The following MAPK10 variants were observed in gnomAD, a reference collection of about 807,000 sequenced individuals.
MAPK10 encodes the protein JNK3 alpha protein kinase.
MAPK10 carries 25 observed loss-of-function variants against 59.3 expected under a neutral mutation model. That is an observed-to-expected ratio of 0.42 (90% CI 0.31 to 0.59). The LOEUF is 0.59. MAPK10 is among the 20% of genes least tolerant of loss of function. MAPK10 has a pLI of 0.15. For missense variants in MAPK10, 351 were observed against 568.9 expected, an observed-to-expected ratio of 0.62 and a Z score of 3.90; for synonymous variants, 190 against 200.5, an observed-to-expected ratio of 0.95 and a Z score of 0.44.
At chr4:86,372,564 G>GAAAGAAAGGAAAAGAAAAGA in intron 1 of MAPK10, among the ~76,000 whole-genome samples, 790 of 78,666 alleles carry the variant, frequency 0.01, 19 homozygotes, top group Middle Eastern at 0.024. Context: ...AAGAAAGAAA[G>GAAAGAAAGGAAAAGAAAAGA]AAAGAAAAGA....
intron 9 of MAPK10, among the ~76,000 whole-genome samples, chr4:86,075,958 C>G (rs1351563097): frequency 6.6e-6 from 1 of 151,986 alleles, no homozygotes; most frequent in Admixed American, 6.5e-5. Flanking sequence ...TTTACCTAAG[C>G]AAGCCTGGGC....
In MAPK10 at chr4:86,116,152, G is replaced by A. The variant is rs1407510621; in HGVS notation, c.237-8800C>T. On this transcript the variant is annotated intron_variant, in intron 4 of 13. Transcript: ENST00000641462. ...ATATCAAAAGAAAGAATGGCAATCAGTCATGAAGGCATATAAGGGAGTTGG... is the reference window on the plus strand; with the variant it reads ...ATATCAAAAGAAAGAATGGCAATCAATCATGAAGGCATATAAGGGAGTTGG... 2.0e-5 allele frequency among the ~76,000 whole-genome samples: 3 copies of A among 152,302 alleles called. 1 individual carries two copies. Among genetic ancestry groups the A allele is most frequent in the South Asian group, 4.1e-4 (2 of 4,822 alleles).
chr4:86,379,038 T>C (rs1295458190), intron 1 of MAPK10, among the ~76,000 whole-genome samples: 2 of 152,030 alleles, frequency 1.3e-5, no homozygotes, highest in Non-Finnish European at 2.9e-5. Context: ...TGTAGGTAAG[T>C]ATGGTCACAG....
intron 1 of MAPK10, among the ~76,000 whole-genome samples, chr4:86,443,328 G>A (rs1749636318): frequency 1.3e-5 from 2 of 152,042 alleles, no homozygotes; most frequent in South Asian, 4.1e-4. Context: ...ACTTAACAAG[G>A]CCTGCCCTCA....
intron 2 of MAPK10, among the ~76,000 whole-genome samples, chr4:86,298,703 C>T (rs1167445663): frequency 2.0e-5 from 3 of 152,188 alleles, no homozygotes; most frequent in Admixed American, 6.5e-5. Context: ...TTCAGACAGT[C>T]AGTGGATATT....
chr4:86,327,366 T>C (rs2096050789), intron 2 of MAPK10: 2 of 152,116 alleles, frequency 1.3e-5, no homozygotes, highest in African/African-American at 4.8e-5. Context: ...TTAATTTTTT[T>C]TTAGCACAGA....
intron 1 of MAPK10, among the ~76,000 whole-genome samples, chr4:86,586,535 C>A (rs1414683214): frequency 6.6e-6 from 1 of 152,180 alleles, no homozygotes; most frequent in Non-Finnish European, 1.5e-5. Context: ...ATAAACCAAT[C>A]CACATTAACG....
chr4:86,074,449 G>C (rs1284462166), intron 9 of MAPK10, among the ~76,000 whole-genome samples: 1 of 150,438 alleles, frequency 6.6e-6, no homozygotes, highest in Non-Finnish European at 1.5e-5. Context: ...ATGTTAGCTG[G>C]TGATTTTGCT....
intron 4 of MAPK10, among the ~76,000 whole-genome samples, chr4:86,141,217 G>A (rs1296980580): frequency 6.6e-6 from 1 of 152,136 alleles, no homozygotes; most frequent in Non-Finnish European, 1.5e-5. Flanking sequence ...TTACAGAAAG[G>A]ATATAGTTTA....
At chr4:86,047,959 G>T (rs1450414253) in intron 11 of MAPK10, among the ~76,000 whole-genome samples, 1 of 152,104 alleles carries the variant, frequency 6.6e-6, no homozygotes, top group Non-Finnish European at 1.5e-5. Context: ...GGGTAGAAAT[G>T]ATGTTTGCAT....
At chr4:86,458,512 A>T (rs979393006) in intron 1 of MAPK10, among the ~76,000 whole-genome samples, 1 of 152,208 alleles carries the variant, frequency 6.6e-6, no homozygotes, top group African/African-American at 2.4e-5. Context: ...ACCTGATTTC[A>T]AACTGTGCTA....
intron 2 of MAPK10, among the ~76,000 whole-genome samples, chr4:86,262,250 C>G (rs918360036): frequency 2.0e-5 from 3 of 152,154 alleles, no homozygotes; most frequent in Admixed American, 6.5e-5. Flanking sequence ...CATGCACATA[C>G]AATCTTTTGC....
chr4:86,251,316 C>T (rs943824831), intron 2 of MAPK10, among the ~76,000 whole-genome samples: 4 of 151,862 alleles, frequency 2.6e-5, no homozygotes, highest in Non-Finnish European at 5.9e-5. Context: ...CCAATGCTAT[C>T]CCTCCCCCCT....
chr4:86,115,891 C>T (rs1436074020), intron 4 of MAPK10, among the ~76,000 whole-genome samples: 1 of 152,192 alleles, frequency 6.6e-6, no homozygotes, highest in Admixed American at 6.5e-5. Context: ...AATATGTCAG[C>T]ACTGGTGCTT....
At chr4:86,065,748 C>G (rs1255835020) in intron 10 of MAPK10, 7 of 152,072 alleles carry the variant, frequency 4.6e-5, no homozygotes. Context: ...CTCAACTGAT[C>G]TGAAAGTTGA....
chr4:86,526,100 G>A (rs1483586819), intron 1 of MAPK10, among the ~76,000 whole-genome samples: 2 of 152,142 alleles, frequency 1.3e-5, no homozygotes, highest in Non-Finnish European at 2.9e-5. Context: ...GATAGGAAGA[G>A]TCCCTCCTTC....
intron 2 of MAPK10, among the ~76,000 whole-genome samples, chr4:86,257,438 A>C (rs2093793104): frequency 6.6e-6 from 1 of 152,158 alleles, no homozygotes; most frequent in Non-Finnish European, 1.5e-5. Context: ...GAATGTCTTA[A>C]ATGTTGCTAA....
chr4:86,397,744 C>T (rs1244856787), intron 1 of MAPK10, among the ~76,000 whole-genome samples: 6 of 151,680 alleles, frequency 4.0e-5, no homozygotes, highest in Non-Finnish European at 8.8e-5. Context: ...TTAGCCTTTG[C>T]ACTCAATCTA....
chr4:86,286,098 G>C (rs1030741614), intron 2 of MAPK10, among the ~76,000 whole-genome samples: 1 of 152,140 alleles, frequency 6.6e-6, no homozygotes, highest in African/African-American at 2.4e-5. Flanking sequence ...CTAGCTATCT[G>C]GGCATCCCTT....
Sources: gnomAD v4.1 joint callset for allele counts (sites outside exome capture counted in the v4.1 genomes callset) on GRCh38, gnomAD v4.1.1 for gene constraint, MANE v1.5 for transcripts, NCBI Gene and HGNC (gene_info 2026-07-23, HGNC 2026-07-21) for gene names.